Variants in PLA2G5 observed in about 807,000 individuals in gnomAD.
PLA2G5 encodes Ca2+-dependent phospholipase A2.
Under a neutral mutation model 15.9 loss-of-function variants are expected in PLA2G5, and 12 were observed. The ratio of observed to expected loss-of-function variants is 0.76; its 90% CI spans 0.48 to 1.23. PLA2G5 has a LOEUF of 1.23. Among genes scored for constraint, PLA2G5 ranks in the 50% most tolerant of loss-of-function variants. The pLI is 0.00. For missense variants in PLA2G5, 169 were observed against 177.1 expected, an observed-to-expected ratio of 0.95 and a Z score of 0.26; for synonymous variants, 71 against 71.4, an observed-to-expected ratio of 0.99 and a Z score of 0.03.
At chr1:20,082,588 G>A (rs1344969074) in intron 1 of PLA2G5, among the ~76,000 whole-genome samples, 2 of 151,790 alleles carry the variant, frequency 1.3e-5, no homozygotes, top group Non-Finnish European at 2.9e-5. Flanking sequence ...TATTATTTTA[G>A]AGAGATGGTT....
rs115544605 is a variant in PLA2G5 at position 20,043,847 on chromosome 1, A to G, written n.276+15138A>G. Among the ~76,000 whole-genome samples the G allele has an allele frequency of 2.4e-3, 364 of 152,306 alleles. 2 individuals carry two copies. Among genetic ancestry groups the G allele is most frequent in the African/African-American group, 7.4e-3 (307 of 41,562 alleles). ...TGTGGAGAGGGTAGCCCCCATATCAATTAAGCAGGGGACGGACTTACCCTC... is the reference window on the plus strand; with the variant it reads ...TGTGGAGAGGGTAGCCCCCATATCAGTTAAGCAGGGGACGGACTTACCCTC... On this transcript the variant is annotated intron_variant and non_coding_transcript_variant, in intron 1 of 6. Coordinates refer to the PLA2G5 transcript ENST00000460175.
At chr1:20,039,657 A>C (rs2013477198) in intron 1 of PLA2G5, among the ~76,000 whole-genome samples, 1 of 152,120 alleles carries the variant, frequency 6.6e-6, no homozygotes, top group African/African-American at 2.4e-5. Context: ...CATTTGAGAA[A>C]GTGAGGGGAA....
chr1:20,035,886 T>C (rs770541260), intron 1 of PLA2G5, among the ~76,000 whole-genome samples: 11 of 152,236 alleles, frequency 7.2e-5, no homozygotes, highest in Non-Finnish European at 1.5e-4. Flanking sequence ...AAGGTTTTGT[T>C]TGAAGATTTA....
At chr1:20,044,298 A>G (rs1007818850) in intron 1 of PLA2G5, among the ~76,000 whole-genome samples, 1 of 152,134 alleles carries the variant, frequency 6.6e-6, no homozygotes, top group African/African-American at 2.4e-5. Context: ...TAACTCAGAA[A>G]TGCATTACTG....
At chr1:20,085,356 C>T (rs560837993) in intron 2 of PLA2G5, among the ~76,000 whole-genome samples, 2 of 152,036 alleles carry the variant, frequency 1.3e-5, no homozygotes, top group Non-Finnish European at 1.5e-5. Flanking sequence ...GTATATACAA[C>T]CCCCGACAGG....
intron 1 of PLA2G5, among the ~76,000 whole-genome samples, chr1:20,075,685 G>T (rs1329991407): frequency 1.3e-5 from 2 of 152,150 alleles, no homozygotes; most frequent in African/African-American, 2.4e-5. Context: ...TTGTGAGGCA[G>T]ATTAGACTTA....
chr1:20,030,259 A>C (rs886078027), intron 1 of PLA2G5, among the ~76,000 whole-genome samples: 1 of 151,838 alleles, frequency 6.6e-6, no homozygotes. Context: ...ACTATAGGGT[A>C]ATGGTGGAGA....
intron 1 of PLA2G5, among the ~76,000 whole-genome samples, chr1:20,036,035 T>C (rs943678041): frequency 2.0e-5 from 3 of 152,212 alleles, no homozygotes; most frequent in Non-Finnish European, 4.4e-5. Flanking sequence ...TGGTTGATAA[T>C]TGTTTTGTTT....
chr1:20,049,841 A>T (rs1289414052), intron 1 of PLA2G5, among the ~76,000 whole-genome samples: 1 of 152,140 alleles, frequency 6.6e-6, no homozygotes, highest in Non-Finnish European at 1.5e-5. Flanking sequence ...ACATCTCACC[A>T]TTTTTGGTTT....
At chr1:20,082,225 G>A (rs1449478746) in intron 1 of PLA2G5, among the ~76,000 whole-genome samples, 3 of 151,734 alleles carry the variant, frequency 2.0e-5, no homozygotes, top group African/African-American at 7.3e-5. Flanking sequence ...TTTGACTTGG[G>A]GTTTTATACA....
At chr1:20,069,408 C>G (rs766495860), upstream of PLA2G5, among the ~76,000 whole-genome samples, 64 of 152,198 alleles carry the variant, frequency 4.2e-4, no homozygotes, top group Non-Finnish European at 4.9e-4. Context: ...CGTGGTGGCT[C>G]ACACCTGTAA....
chr1:20,038,112 C>T (rs759629274), intron 1 of PLA2G5, among the ~76,000 whole-genome samples: 5 of 152,174 alleles, frequency 3.3e-5, no homozygotes, highest in Non-Finnish European at 4.4e-5. Context: ...CCACCACCAG[C>T]ACTGAGTTCA....
Position 20,091,809 on chromosome 1 carries a change from C to T in PLA2G5, c.*1117C>T, listed in dbSNP as rs933184922. 1.3e-5 allele frequency among the ~76,000 whole-genome samples: 2 copies of T among 152,086 alleles called. No homozygotes were observed. Among genetic ancestry groups the T allele is most frequent in the Non-Finnish European group, 2.9e-5 (2 of 68,030 alleles). On this transcript the variant is annotated 3_prime_UTR_variant, in exon 5 of 5. Coordinates refer to ENST00000375108, the MANE Select transcript of PLA2G5 (RefSeq NM_000929.3). ...GAAAGGACCTATGGCTTCTTTATTC[C>T]GACATACCCCAAAATAACTGCATGA...
intron 1 of PLA2G5, among the ~76,000 whole-genome samples, chr1:20,030,172 G>A (rs12089901): frequency 0.11 from 16,048 of 151,958 alleles, 1,052 homozygotes; most frequent in Admixed American, 0.22. Context: ...AAGGACCAGC[G>A]CTGGCACTGG....
chr1:20,044,369 T>G (rs60068166), intron 1 of PLA2G5, among the ~76,000 whole-genome samples: 8,513 of 150,314 alleles, frequency 0.057, 369 homozygotes, highest in East Asian at 0.21. Context: ...ATTCCTGTTG[T>G]GGGGGGGGTT....
At position 20,090,832 on chromosome 1, in the gene PLA2G5, G is replaced by A. The variant is rs577537357; in HGVS notation, c.*140G>A. ...TCTCGAAGCTTGGCGGACCCCCAGGGCCACACTGTACCCTCCAGCGAGTCC... is the reference window on the plus strand; with the variant it reads ...TCTCGAAGCTTGGCGGACCCCCAGGACCACACTGTACCCTCCAGCGAGTCC... On this transcript the variant is annotated 3_prime_UTR_variant, in exon 5 of 5. Coordinates refer to ENST00000375108, the MANE Select transcript of PLA2G5 (RefSeq NM_000929.3). The A allele has an allele frequency of 4.3e-5, 36 of 845,602 alleles. No individual in the cohort carries two copies. The African/African-American group carries it at 5.8e-4, about 14-fold the overall frequency. 52.4% of individuals were successfully genotyped at this position (845,602 alleles called of 1,614,324 possible).
Position 20,061,586 on chromosome 1 carries a change from C to CAAA in PLA2G5, n.337+1916_337+1918dup, listed in dbSNP as rs35346493. 1.2e-3 allele frequency among the ~76,000 whole-genome samples: 80 copies of CAAA among 67,662 alleles called. No homozygotes were observed. In the East Asian group the frequency reaches 0.016, roughly 13 times the overall value. The allele number at this position is 67,662 out of a possible 152,430, so 44.4% of individuals were successfully genotyped here. On this transcript the variant is annotated intron_variant and non_coding_transcript_variant, in intron 2 of 6. Transcript: ENST00000460175. Reference sequence around the variant, plus strand: ...GGGCAACAGAGTAAGACCCTGTCTCCAAAAAAAAAAAAAAAAAAAAAAAAT... The same window carrying CAAA: ...GGGCAACAGAGTAAGACCCTGTCTCCAAAAAAAAAAAAAAAAAAAAAAAAAAAT...
Position 20,070,917 on chromosome 1 carries a change from G to C in PLA2G5, c.-11+452G>C, listed in dbSNP as rs11573197. On this transcript the variant is annotated intron_variant, in intron 1 of 4. Transcript: ENST00000375108. ...CATCCACTGTGTGCCAGACACTTCG[G>C]TACACACAGAAAGAAACCCAGAGGA... is the stretch of plus-strand genomic sequence containing the variant. The C allele has an allele frequency of 3.0e-3, 456 of 152,238 alleles. 1 individual carries two copies. The highest frequency in any genetic ancestry group is 0.01 in the African/African-American group (432 of 41,530). 9.4% of individuals were successfully genotyped at this position (152,238 alleles called of 1,614,324 possible).
intron 1 of PLA2G5, chr1:20,059,567 G>A (rs1054128642): frequency 1.3e-5 from 2 of 152,214 alleles, no homozygotes; most frequent in South Asian, 2.1e-4. Context: ...ATAAATGAAA[G>A]GATTATTAAC....
Sources: gnomAD v4.1 joint callset for allele counts (sites outside exome capture counted in the v4.1 genomes callset) on GRCh38, gnomAD v4.1.1 for gene constraint, MANE v1.5 for transcripts, NCBI Gene and HGNC (gene_info 2026-07-23, HGNC 2026-07-21) for gene names.